Variants in CDH18 observed in about 807,000 individuals in gnomAD.
CDH18 encodes cadherin 18.
A neutral mutation model predicts 67.9 loss-of-function variants in CDH18; 31 were observed. The observed-to-expected ratio is 0.46, with a 90% CI of 0.34 to 0.62. The LOEUF is 0.62. CDH18 is among the 20% of genes least tolerant of loss of function. The pLI is 0.01. For synonymous variants in CDH18, 362 were observed against 347.2 expected (o/e 1.04, Z -0.48); for missense variants, 890 against 975.5 (o/e 0.91, Z 1.17).
At chr5:20,359,772 C>G (rs1741941400) in intron 1 of CDH18, among the ~76,000 whole-genome samples, 1 of 151,824 alleles carries the variant, frequency 6.6e-6, no homozygotes. Context: ...TGCTTAGCCT[C>G]AACAAAACAT....
chr5:20,241,284 G>A (rs182464871), intron 2 of CDH18, among the ~76,000 whole-genome samples: 158 of 152,236 alleles, frequency 1.0e-3, no homozygotes, highest in Non-Finnish European at 1.9e-3. Context: ...TAGAACTGGG[G>A]TTTGAACCCA....
chr5:20,134,988 A>T (rs1358116806), intron 2 of CDH18, among the ~76,000 whole-genome samples: 1 of 152,098 alleles, frequency 6.6e-6, no homozygotes, highest in Non-Finnish European at 1.5e-5. Context: ...AGGCTGTAAC[A>T]TATGCTATTT....
rs1488175141 is a variant in CDH18, at chr5:20,460,204, C to T, written c.-580+115258G>A. 2.0e-5 allele frequency among the ~76,000 whole-genome samples: 3 copies of T among 151,714 alleles called. No homozygotes were observed. In the East Asian group the frequency reaches 5.8e-4, roughly 29 times the overall value. On this transcript the variant is annotated intron_variant, in intron 1 of 14. Transcript: ENST00000507958. ...AGTCAAGAGATCGAGACCATCCTGGCCAATGTGGTGAAACCTGTCTCTACT... is the reference window on the plus strand; with the variant it reads ...AGTCAAGAGATCGAGACCATCCTGGTCAATGTGGTGAAACCTGTCTCTACT...
At chr5:20,234,257 T>C (rs1273728714) in intron 2 of CDH18, among the ~76,000 whole-genome samples, 1 of 152,124 alleles carries the variant, frequency 6.6e-6, no homozygotes, top group African/African-American at 2.4e-5. Context: ...TTATTCATTT[T>C]CTCTTGAATA....
At chr5:20,258,615 T>C (rs1277564862) in intron 1 of CDH18, among the ~76,000 whole-genome samples, 4 of 152,188 alleles carry the variant, frequency 2.6e-5, no homozygotes, top group African/African-American at 7.2e-5. Flanking sequence ...CATATGTGGT[T>C]ATAATGACTT....
chr5:19,631,413 T>G (rs1389476090), intron 5 of CDH18, among the ~76,000 whole-genome samples: 1 of 152,198 alleles, frequency 6.6e-6, no homozygotes, highest in Non-Finnish European at 1.5e-5. Context: ...TATTAAACTG[T>G]AGCAATGTAT....
rs1028215123 is a variant in CDH18, at chr5:20,474,422, T to C, written c.-580+101040A>G. Among the ~76,000 whole-genome samples the C allele has an allele frequency of 3.3e-4, 50 of 152,292 alleles. 1 individual carries two copies. The highest frequency in any genetic ancestry group is 1.1e-3 in the African/African-American group (45 of 41,562). Reference sequence around the variant, plus strand: ...CTAGCTTACTAAGTTCCCAGAAGTTTCCTTCTCCTCACCTGGCCGAAAGAA... The same window carrying C: ...CTAGCTTACTAAGTTCCCAGAAGTTCCCTTCTCCTCACCTGGCCGAAAGAA... On this transcript the variant is annotated intron_variant, in intron 1 of 14. Transcript: ENST00000507958.
rs191053133 is a variant in CDH18, at chr5:20,230,449, T to G, written c.-518+24995A>C. Among the ~76,000 whole-genome samples the G allele has an allele frequency of 5.9e-5, 9 of 152,316 alleles. No homozygotes were observed. In the East Asian group the frequency reaches 1.7e-3, roughly 29 times the overall value. On this transcript the variant is annotated intron_variant, in intron 2 of 14. Coordinates refer to the CDH18 transcript ENST00000507958. ...TCTTTAACTCAAGGACCAGAAAAAC[T>G]GAGCTTCCTAAAGCAGTTATTTATT...
At chr5:19,983,359 T>C (rs571534355) in intron 1 of CDH18, among the ~76,000 whole-genome samples, 5 of 152,242 alleles carry the variant, frequency 3.3e-5, no homozygotes, top group African/African-American at 7.2e-5. Context: ...CTTATGATCA[T>C]CTAAACATAA....
chr5:19,552,524 C>T (rs904528135), intron 8 of CDH18, among the ~76,000 whole-genome samples: 7 of 152,110 alleles, frequency 4.6e-5, no homozygotes, highest in Admixed American at 2.0e-4. Flanking sequence ...ATAGACTCAA[C>T]GGCTACTCTT....
intron 8 of CDH18, among the ~76,000 whole-genome samples, chr5:19,544,461 G>A (rs1735973427): frequency 6.6e-6 from 1 of 151,878 alleles, no homozygotes; most frequent in Admixed American, 6.6e-5. Flanking sequence ...AATATAAAAT[G>A]AAAAACAAAA....
chr5:19,761,403 G>A (rs925398065), intron 3 of CDH18, among the ~76,000 whole-genome samples: 9 of 152,082 alleles, frequency 5.9e-5, no homozygotes, highest in African/African-American at 2.2e-4. Flanking sequence ...TAAACTTCTT[G>A]CCTCTTCTGA....
At chr5:19,970,026 G>T (rs990833024) in intron 2 of CDH18, among the ~76,000 whole-genome samples, 1 of 151,832 alleles carries the variant, frequency 6.6e-6, no homozygotes, top group Non-Finnish European at 1.5e-5. Flanking sequence ...GAGGTTAAAG[G>T]ACAGAGCTAG....
intron 1 of CDH18, among the ~76,000 whole-genome samples, chr5:20,405,054 A>G (rs1746109853): frequency 6.6e-6 from 1 of 152,134 alleles, no homozygotes; most frequent in Admixed American, 6.6e-5. Flanking sequence ...CAAGCTACCA[A>G]TGACTTTCTT....
At chr5:19,664,963 C>T (rs1757712036) in intron 5 of CDH18, among the ~76,000 whole-genome samples, 1 of 151,850 alleles carries the variant, frequency 6.6e-6, no homozygotes, top group African/African-American at 2.4e-5. Flanking sequence ...TAATACATGG[C>T]TTGAGGAAAT....
At chr5:19,515,226 C>T (rs937499771) in intron 10 of CDH18, among the ~76,000 whole-genome samples, 3 of 152,120 alleles carry the variant, frequency 2.0e-5, no homozygotes, top group African/African-American at 7.2e-5. Flanking sequence ...GGTACCAGTA[C>T]CATGCTGTTT....
chr5:19,673,486 A>G (rs759516962), intron 5 of CDH18, among the ~76,000 whole-genome samples: 1 of 152,080 alleles, frequency 6.6e-6, no homozygotes, highest in African/African-American at 2.4e-5. Flanking sequence ...TCAAAAATAA[A>G]AAATAAAATC....
intron 4 of CDH18, among the ~76,000 whole-genome samples, chr5:19,724,752 C>T (rs1766579867): frequency 6.6e-6 from 1 of 152,114 alleles, no homozygotes; most frequent in African/African-American, 2.4e-5. Flanking sequence ...CTCTGTGCTA[C>T]TCCATTCTTA....
intron 1 of CDH18, among the ~76,000 whole-genome samples, chr5:20,433,284 T>C (rs551694431): frequency 2.6e-5 from 4 of 151,966 alleles, no homozygotes; most frequent in African/African-American, 9.6e-5. Flanking sequence ...TATTTATATA[T>C]ACATATATGT....
Sources: allele counts gnomAD v4.1 joint callset (sites outside exome capture counted in the v4.1 genomes callset), GRCh38; gene constraint gnomAD v4.1.1; transcripts MANE v1.5; gene names NCBI Gene and HGNC (gene_info 2026-07-23, HGNC 2026-07-21).